ZWILCH: variants seen among roughly 807,000 people sequenced by gnomAD.
The protein encoded by ZWILCH is protein zwilch homolog.
In ZWILCH, 74 loss-of-function variants were observed where a neutral mutation model predicts 79.9. The observed-to-expected ratio is 0.93, with a 90% CI of 0.77 to 1.12. The LOEUF (loss-of-function observed/expected upper bound fraction) is 1.12, where lower values mean the gene tolerates loss of function less well. ZWILCH is among the 50% of genes most tolerant of loss of function. The probability of loss-of-function intolerance (pLI) is 0.00; values close to 1 mark genes in which losing one functional copy is unlikely to be tolerated. For synonymous variants in ZWILCH, 241 were observed against 228.2 expected, an observed-to-expected ratio of 1.06 and a Z score of -0.51; for missense variants, 694 against 687.5, an observed-to-expected ratio of 1.01 and a Z score of -0.11.
At chr15:66,546,744 T>G in intron 18 of ZWILCH, 39 bp downstream of exon 18, 1 of 1,134,994 alleles carries the variant, frequency 8.8e-7, no homozygotes, top group South Asian at 1.6e-5. Context: ...GTCAAATACT[T>G]TGTAATAAGT....
intron 8 of ZWILCH, among the ~76,000 whole-genome samples, chr15:66,525,393 C>T (rs1372343590): frequency 6.6e-6 from 1 of 152,166 alleles, no homozygotes; most frequent in African/African-American, 2.4e-5. Context: ...TACATGTGGC[C>T]ATAGTCTGTC....
chr15:66,541,089 G>C (rs1895177257), intron 17 of ZWILCH, among the ~76,000 whole-genome samples: 1 of 150,736 alleles, frequency 6.6e-6, no homozygotes, highest in South Asian at 2.1e-4. Context: ...GACCAGCCTG[G>C]GCAACATGGA....
chr15:66,543,245 A>G (rs1429856936), intron 17 of ZWILCH, among the ~76,000 whole-genome samples: 1 of 152,188 alleles, frequency 6.6e-6, no homozygotes, highest in Non-Finnish European at 1.5e-5. Context: ...TAGCAGTTTC[A>G]TAAGTAGGAA....
intron 5 of ZWILCH, 47 bp from the exon 6 acceptor site, chr15:66,520,543 G>A (rs1161515515): frequency 2.0e-6 from 2 of 980,696 alleles, no homozygotes; most frequent in Non-Finnish European, 3.2e-6. Context: ...CTCTGACAAT[G>A]TAATTTTGAG....
rs940290390 is a variant in ZWILCH at position 66,514,146 on chromosome 15, A to G, written c.201+63A>G. 1.9e-5 allele frequency: 22 copies of G among 1,172,844 alleles called. No individual in the cohort carries two copies. In the African/African-American group the frequency reaches 2.3e-4, roughly 12 times the overall value. The allele number at this position is 1,172,844 out of a possible 1,614,324, so 72.7% of individuals were successfully genotyped here. ...CATAACCAAATTTGGTTTCTTGGGA[A>G]TAATCTAACGTACACGTTTTAAAAT... On this transcript the variant is annotated intron_variant, in intron 3 of 18. Transcript: ENST00000307897.
rs1303091515 is a variant in ZWILCH, at chr15:66,513,974, A to G, written c.106-14A>G. 1 of 1,595,960 alleles carries G rather than the reference A, an allele frequency of 6.3e-7. No individual in the cohort carries two copies. The highest frequency in any genetic ancestry group is 1.3e-5 in the African/African-American group (1 of 74,442). ...AAGTGTATGTATAATGTTGCTCGAT[A>G]CCTGTTTTAACAGGCTGATGTCCAA... On this transcript the variant is annotated splice_polypyrimidine_tract_variant and intron_variant, in intron 2 of 18. Coordinates refer to ENST00000307897, the MANE Select transcript of ZWILCH (RefSeq NM_017975.5).
intron 16 of ZWILCH, among the ~76,000 whole-genome samples, chr15:66,538,968 T>A (rs912482336): frequency 1.3e-5 from 2 of 152,142 alleles, no homozygotes; most frequent in East Asian, 1.9e-4. Context: ...ATAACTCACA[T>A]CTCCAGCTTC....
intron 17 of ZWILCH, among the ~76,000 whole-genome samples, chr15:66,541,230 T>C (rs1895183855): frequency 6.6e-6 from 1 of 151,894 alleles, no homozygotes; most frequent in South Asian, 2.1e-4. Flanking sequence ...GAGGTTACAG[T>C]GAGCTGGTCG....
intron 1 of ZWILCH, chr15:66,505,662 G>A: frequency 2.0e-6 from 1 of 491,862 alleles, no homozygotes; most frequent in Non-Finnish European, 3.6e-6. Flanking sequence ...TCTGCTGATG[G>A]ACACACTTGC....
chr15:66,515,389 AC>A, intron 3 of ZWILCH, 136 bp from the exon 4 acceptor site: 1 of 619,688 alleles, frequency 1.6e-6, no homozygotes, highest in South Asian at 2.3e-5. Flanking sequence ...TCTTGCCAAA[AC>A]CCAATCATTT....
At chr15:66,512,950 T>A (rs930366961) in intron 2 of ZWILCH, among the ~76,000 whole-genome samples, 1 of 152,150 alleles carries the variant, frequency 6.6e-6, no homozygotes, top group Non-Finnish European at 1.5e-5. Flanking sequence ...CCCGCCACCA[T>A]GCCTGCCTGA....
chr15:66,515,578 C>A lies in ZWILCH; in HGVS notation c.254C>A (p.Thr85Asn). Residue 85 changes from threonine (T) to asparagine (N), a missense_variant, in exon 4 of 19, where the codon ACT becomes AAT. Thr to Asn is a moderately conservative substitution (Grantham distance 65). Coordinates refer to ENST00000307897, the MANE Select transcript of ZWILCH (RefSeq NM_017975.5). ...ATTGAAGAACTTCAATCTGAAGAAACTGCCATATCTGATTTCTCTACTGGC... is the reference window on the plus strand; with the variant it reads ...ATTGAAGAACTTCAATCTGAAGAAAATGCCATATCTGATTTCTCTACTGGC... ...SHIEELQSEE[T>N]AISDFSTGEN... is the part of the protein sequence containing the mutation. The A allele has an allele frequency of 6.2e-7, 1 of 1,612,914 alleles. No homozygotes were observed. The highest frequency in any genetic ancestry group is 8.5e-7 in the Non-Finnish European group (1 of 1,179,738).
chr15:66,515,475 C>A, intron 3 of ZWILCH, 51 bp from the exon 4 acceptor site: 2 of 1,122,922 alleles, frequency 1.8e-6, no homozygotes, highest in Non-Finnish European at 2.7e-6. Flanking sequence ...GAGTCAGCTG[C>A]TATCCTATAT....
intron 17 of ZWILCH, among the ~76,000 whole-genome samples, chr15:66,545,499 A>C (rs1352268444): frequency 6.6e-6 from 1 of 152,234 alleles, no homozygotes; most frequent in Non-Finnish European, 1.5e-5. Flanking sequence ...CATGGATTGC[A>C]ACAAAAAAGA....
chr15:66,509,026 G>A (rs1255734368), intron 2 of ZWILCH, 134 bp downstream of exon 2: 5 of 884,972 alleles, frequency 5.6e-6, no homozygotes, highest in African/African-American at 1.7e-5. Context: ...TGCAAGCTCC[G>A]GCTCCCGGGT....
At chr15:66,518,783 C>A in intron 4 of ZWILCH, 96 bp from the exon 5 acceptor site, 2 of 1,177,078 alleles carry the variant, frequency 1.7e-6, no homozygotes, top group Non-Finnish European at 2.5e-6. Flanking sequence ...TGCATTCCAG[C>A]CTGGGCAACA....
chr15:66,544,089 G>A (rs1895275297), intron 17 of ZWILCH, among the ~76,000 whole-genome samples: 1 of 151,836 alleles, frequency 6.6e-6, no homozygotes, highest in Admixed American at 6.6e-5. Flanking sequence ...AACCCCACCT[G>A]TACTAAAAAT....
At chr15:66,507,575 T>G (rs867689098) in intron 1 of ZWILCH, among the ~76,000 whole-genome samples, 26 of 152,322 alleles carry the variant, frequency 1.7e-4, no homozygotes, top group Middle Eastern at 6.8e-3. Context: ...CTTCCTATAC[T>G]TGCCTCTCTC....
At chr15:66,509,819 CTACATATATATA>C (rs1278733749) in intron 2 of ZWILCH, among the ~76,000 whole-genome samples, 31 of 49,846 alleles carry the variant, frequency 6.2e-4, no homozygotes, top group African/African-American at 1.8e-3. Flanking sequence ...GTGTGTGTGG[CTACATATATATA>C]TATATATATA....
Sources: allele counts gnomAD v4.1 joint callset (sites outside exome capture counted in the v4.1 genomes callset), GRCh38; gene constraint gnomAD v4.1.1; transcripts MANE v1.5; gene names NCBI Gene and HGNC (gene_info 2026-07-23, HGNC 2026-07-21).